Variants in STAU2 observed in about 807,000 individuals in gnomAD.
The protein encoded by STAU2 is double-stranded RNA-binding protein Staufen homolog 2.
A neutral mutation model predicts 65.9 loss-of-function variants in STAU2; 20 were observed. The ratio of observed to expected loss-of-function variants is 0.30; its 90% CI spans 0.21 to 0.44. The LOEUF (loss-of-function observed/expected upper bound fraction) is 0.44. STAU2 is among the 20% of genes least tolerant of loss of function. The pLI is 1.00. For synonymous variants in STAU2, 232 were observed against 233.9 expected (o/e 0.99, Z 0.07); for missense variants, 558 against 683.9 (o/e 0.82, Z 2.05).
chr8:73,647,903 G>A (rs1186091746), intron 6 of STAU2, among the ~76,000 whole-genome samples: 1 of 152,114 alleles, frequency 6.6e-6, no homozygotes, highest in African/African-American at 2.4e-5. Flanking sequence ...CTTGTTTGCT[G>A]CAGTGCTTGC....
chr8:73,554,885 T>C (rs551082184), intron 12 of STAU2, among the ~76,000 whole-genome samples: 1 of 152,340 alleles, frequency 6.6e-6, no homozygotes, highest in Admixed American at 6.5e-5. Flanking sequence ...GAAGATCCCA[T>C]GCTCCAGTTA....
In STAU2 at chr8:73,634,958, C is replaced by G. The variant is rs977218028; in HGVS notation, c.411-17507G>C. Among the ~76,000 whole-genome samples the G allele has an allele frequency of 1.3e-5, 2 of 152,142 alleles. 1 individual carries two copies. The highest frequency in any genetic ancestry group is 2.9e-5 in the Non-Finnish European group (2 of 68,026). Reference sequence around the variant, plus strand: ...CTTGTATTTATTTTTTATTTTCTATCTCCCCCAACTAGAATGTACACTTCA... The same window carrying G: ...CTTGTATTTATTTTTTATTTTCTATGTCCCCCAACTAGAATGTACACTTCA... On this transcript the variant is annotated intron_variant, in intron 6 of 14. Coordinates refer to ENST00000524300, the MANE Select transcript of STAU2 (RefSeq NM_001164380.2).
chr8:73,447,913 T>C (rs4738359), intron 13 of STAU2, among the ~76,000 whole-genome samples: 82,379 of 152,094 alleles, frequency 0.54, 22,992 homozygotes, highest in African/African-American at 0.64. Flanking sequence ...GGCTAGTCTT[T>C]CCTCTCAAGA....
At chr8:73,483,327 C>T (rs1459988389) in intron 13 of STAU2, among the ~76,000 whole-genome samples, 3 of 152,084 alleles carry the variant, frequency 2.0e-5, no homozygotes, top group Non-Finnish European at 2.9e-5. Context: ...TCTAGGCAGT[C>T]GTGAGCAATC....
intron 4 of STAU2, among the ~76,000 whole-genome samples, chr8:73,703,878 C>T (rs1297615140): frequency 6.6e-6 from 1 of 151,988 alleles, no homozygotes; most frequent in Non-Finnish European, 1.5e-5. Context: ...CTTTTTTTCC[C>T]ACACAGATAT....
At chr8:73,501,308 G>C (rs1475798004) in intron 13 of STAU2, among the ~76,000 whole-genome samples, 1 of 151,810 alleles carries the variant, frequency 6.6e-6, no homozygotes, top group Non-Finnish European at 1.5e-5. Context: ...AATTTATCTT[G>C]AGTAACATTA....
intron 12 of STAU2, among the ~76,000 whole-genome samples, chr8:73,582,479 T>G (rs1309564709): frequency 6.6e-6 from 1 of 151,228 alleles, no homozygotes; most frequent in Non-Finnish European, 1.5e-5. Context: ...ATTTTTATAT[T>G]TTTTATAATG....
intron 12 of STAU2, 61 bp from the exon 13 acceptor site, chr8:73,552,380 A>T (rs775646925): frequency 7.0e-6 from 10 of 1,420,944 alleles, no homozygotes; most frequent in Non-Finnish European, 7.6e-6. Flanking sequence ...GAAACATAGC[A>T]TTATTAACTC....
chr8:73,639,082 AAAAC>A (rs928983489), intron 6 of STAU2, among the ~76,000 whole-genome samples: 76 of 152,220 alleles, frequency 5.0e-4, no homozygotes, highest in African/African-American at 1.5e-3. Context: ...ACAAAAAAGA[AAAAC>A]AAACCCACAA....
chr8:73,575,238 C>G (rs995076821), intron 12 of STAU2, among the ~76,000 whole-genome samples: 2 of 151,496 alleles, frequency 1.3e-5, no homozygotes, highest in African/African-American at 2.4e-5. Context: ...ATAGATCTAC[C>G]AAATACATAG....
intron 1 of STAU2, among the ~76,000 whole-genome samples, chr8:73,740,549 A>C (rs2130784783): frequency 6.6e-6 from 1 of 152,338 alleles, no homozygotes; most frequent in East Asian, 1.9e-4. Flanking sequence ...CGCTTTCAAT[A>C]GGAATGGAGT....
chr8:73,421,934 T>C (rs1816406756), intron 14 of STAU2, among the ~76,000 whole-genome samples: 2 of 150,336 alleles, frequency 1.3e-5, no homozygotes, highest in South Asian at 2.1e-4. Flanking sequence ...TGAATTCTAC[T>C]ATATAAATAT....
chr8:73,531,491 C>T (rs756725057), intron 13 of STAU2, among the ~76,000 whole-genome samples: 12 of 151,904 alleles, frequency 7.9e-5, no homozygotes, highest in Admixed American at 2.6e-4. Context: ...TCAAATTAAA[C>T]GTAATAATAT....
chr8:73,438,760 A>G (rs1817898418), intron 13 of STAU2, among the ~76,000 whole-genome samples: 2 of 152,206 alleles, frequency 1.3e-5, no homozygotes, highest in Non-Finnish European at 2.9e-5. Context: ...CTCATCTTTC[A>G]GGCTCCCTGA....
intron 4 of STAU2, among the ~76,000 whole-genome samples, chr8:73,699,547 G>A (rs1304559475): frequency 6.6e-6 from 1 of 151,994 alleles, no homozygotes. Context: ...GCAACTATAT[G>A]CCAAAAAATT....
chr8:73,602,167 A>G (rs1357060992), intron 10 of STAU2, among the ~76,000 whole-genome samples: 3 of 152,186 alleles, frequency 2.0e-5, no homozygotes, highest in African/African-American at 4.8e-5. Flanking sequence ...AATGTTTATT[A>G]AGGTCCTACT....
At chr8:73,430,894 T>G (rs891165658) in intron 13 of STAU2, among the ~76,000 whole-genome samples, 1 of 152,248 alleles carries the variant, frequency 6.6e-6, no homozygotes, top group Non-Finnish European at 1.5e-5. Context: ...ACCTTCATTT[T>G]GGAAGACATA....
intron 3 of STAU2, among the ~76,000 whole-genome samples, chr8:73,720,270 CA>C (rs145378789): frequency 1.4e-5 from 2 of 139,754 alleles, no homozygotes; most frequent in Non-Finnish European, 3.0e-5. Flanking sequence ...GACCCTGTCT[CA>C]AAAAAAAAGC....
chr8:73,651,899 C>T (rs1815910380), intron 6 of STAU2, among the ~76,000 whole-genome samples: 1 of 152,210 alleles, frequency 6.6e-6, no homozygotes, highest in Admixed American at 6.5e-5. Context: ...GCACCTCTCA[C>T]CCTGACCCAC....
Sources: gnomAD v4.1 joint callset for allele counts (sites outside exome capture counted in the v4.1 genomes callset) on GRCh38, gnomAD v4.1.1 for gene constraint, MANE v1.5 for transcripts, NCBI Gene and HGNC (gene_info 2026-07-23, HGNC 2026-07-21) for gene names.